CNTNAP4: variants seen among roughly 807,000 people sequenced by gnomAD.
CNTNAP4 encodes the protein contactin associated protein family member 4.
CNTNAP4 carries 98 observed loss-of-function variants against 148.4 expected under a neutral mutation model. That is an observed-to-expected ratio of 0.66 (90% confidence interval 0.56 to 0.78). The LOEUF (loss-of-function observed/expected upper bound fraction) is 0.78. Among genes scored for constraint, CNTNAP4 ranks in the 30% least tolerant of loss-of-function variants. CNTNAP4 has a pLI of 0.00. For missense variants in CNTNAP4, 1,935 were observed against 1,565.6 expected (o/e 1.24, Z -3.98); for synonymous variants, 730 against 565.1 (o/e 1.29, Z -4.14).
chr16:76,544,953 T>G (rs571820283), intron 21 of CNTNAP4, among the ~76,000 whole-genome samples: 1 of 152,300 alleles, frequency 6.6e-6, no homozygotes, highest in South Asian at 2.1e-4. Flanking sequence ...AAATCTCCAA[T>G]GTATCAGAAA....
At chr16:76,555,093 A>C (rs73621299) in intron 23 of CNTNAP4, among the ~76,000 whole-genome samples, 7,285 of 152,148 alleles carry the variant, frequency 0.048, 321 homozygotes, top group East Asian at 0.21. Context: ...AGAAAGGTGA[A>C]CCACTTAACA....
chr16:76,432,116 G>C (rs1445068298), intron 4 of CNTNAP4, among the ~76,000 whole-genome samples: 2 of 152,120 alleles, frequency 1.3e-5, no homozygotes, highest in Non-Finnish European at 2.9e-5. Context: ...TTGAAAAATG[G>C]GAATGCATTT....
chr16:76,330,590 C>T (rs954045570), intron 2 of CNTNAP4, among the ~76,000 whole-genome samples: 1 of 152,264 alleles, frequency 6.6e-6, no homozygotes, highest in Admixed American at 6.5e-5. Context: ...AATTCACAAA[C>T]ATTTTACAAA....
intron 21 of CNTNAP4, among the ~76,000 whole-genome samples, chr16:76,547,170 A>G (rs540562025): frequency 5.6e-4 from 85 of 152,322 alleles, no homozygotes; most frequent in African/African-American, 2.0e-3. Context: ...ATTATAGAAA[A>G]AGAAATCTCT....
intron 3 of CNTNAP4, among the ~76,000 whole-genome samples, chr16:76,410,480 G>C (rs1382876793): frequency 6.6e-6 from 1 of 151,602 alleles, no homozygotes; most frequent in South Asian, 2.1e-4. Context: ...GTTACATCTG[G>C]CAGTGTTTCA....
chr16:76,548,575 C>G (rs2084836991), intron 21 of CNTNAP4, among the ~76,000 whole-genome samples: 2 of 151,854 alleles, frequency 1.3e-5, no homozygotes, highest in Non-Finnish European at 2.9e-5. Context: ...TCTTGCAGGC[C>G]TTTTGTTAAA....
intron 1 of CNTNAP4, among the ~76,000 whole-genome samples, chr16:76,309,238 T>A (rs1048563058): frequency 6.6e-6 from 1 of 152,032 alleles, no homozygotes; most frequent in Non-Finnish European, 1.5e-5. Context: ...GAGGATGAGA[T>A]GGCAGAGCTG....
At position 76,498,547 on chromosome 16, in the gene CNTNAP4, T is replaced by G. The variant is rs1167802498; in HGVS notation, c.2238-20T>G. ...CTATTAAAAGTTCTTAAGAATTTTG[T>G]TGTTGCTATTGTTTTTTAGGACCAA... On this transcript the variant is annotated intron_variant, in intron 14 of 23. Transcript: ENST00000611870. 2 of 1,598,246 alleles carry G rather than the reference T, an allele frequency of 1.3e-6. No individual in the cohort carries two copies. The highest frequency in any genetic ancestry group is 2.3e-5 in the South Asian group (2 of 87,110).
chr16:76,350,430 T>C (rs1258105523), intron 2 of CNTNAP4, among the ~76,000 whole-genome samples: 1 of 152,200 alleles, frequency 6.6e-6, no homozygotes, highest in Non-Finnish European at 1.5e-5. Context: ...ATACAATTTC[T>C]AGTAGCGTGC....
Position 76,360,442 on chromosome 16 carries a change from G to C in CNTNAP4, c.390+4931G>C, listed in dbSNP as rs1269654770. Among the ~76,000 whole-genome samples the C allele has an allele frequency of 5.3e-5, 8 of 152,326 alleles. No individual in the cohort carries two copies. In the East Asian group the frequency reaches 1.5e-3, roughly 29 times the overall value. ...CAGAAGTGCAAAAGAGATATAAGCT[G>C]TAGGGTAGGTGACTCTCCTCCTTGT... On this transcript the variant is annotated intron_variant, in intron 3 of 23. Transcript: ENST00000611870.
chr16:76,352,964 T>C (rs1213992982), intron 2 of CNTNAP4, among the ~76,000 whole-genome samples: 1 of 152,186 alleles, frequency 6.6e-6, no homozygotes, highest in African/African-American at 2.4e-5. Flanking sequence ...CAAGGGACCA[T>C]GTCTATGCAA....
At chr16:76,523,303 C>A (rs1352670903) in intron 17 of CNTNAP4, among the ~76,000 whole-genome samples, 1 of 136,194 alleles carries the variant, frequency 7.3e-6, no homozygotes, top group East Asian at 2.3e-4. Flanking sequence ...GAAAACAAAA[C>A]AGATACCCAG....
rs754057442 is a variant in CNTNAP4 at position 76,479,401 on chromosome 16, T to C, written c.1763-18T>C. The stretch of plus-strand genomic sequence containing the variant: ...TCATTTCATGCTATTCCATTAATGA[T>C]GATTTTTTTTCTTAAAGCTATCTAT... On this transcript the variant is annotated intron_variant, in intron 11 of 23. Transcript: ENST00000611870. 1.3e-6 allele frequency: 2 copies of C among 1,563,102 alleles called. No homozygotes were observed. The highest frequency in any genetic ancestry group is 1.9e-5 in the Admixed American group (1 of 51,744).
intron 7 of CNTNAP4, among the ~76,000 whole-genome samples, chr16:76,450,395 C>T (rs1289129970): frequency 6.6e-6 from 1 of 152,200 alleles, no homozygotes; most frequent in African/African-American, 2.4e-5. Flanking sequence ...GGTGATCCGC[C>T]TGCCTCAGCC....
chr16:76,460,773 A>AAAAAAAAAAAAAT, intron 8 of CNTNAP4, among the ~76,000 whole-genome samples: 6 of 57,316 alleles, frequency 1.0e-4, no homozygotes, highest in Non-Finnish European at 1.6e-4. Context: ...AAAAAAAAAA[A>AAAAAAAAAAAAAT]ATATATATAT....
At chr16:76,347,817 G>C (rs1337703026) in intron 2 of CNTNAP4, among the ~76,000 whole-genome samples, 2 of 152,112 alleles carry the variant, frequency 1.3e-5, no homozygotes, top group African/African-American at 4.8e-5. Context: ...AGAAGAAAAA[G>C]AGAGAAGGTA....
chr16:76,511,284 G>T (rs61310899), intron 15 of CNTNAP4, among the ~76,000 whole-genome samples: 4,919 of 152,132 alleles, frequency 0.032, 177 homozygotes, highest in East Asian at 0.19. Flanking sequence ...TAAGTTTCTC[G>T]TTCCAAAAAA....
rs1456192211 is a variant in CNTNAP4, at chr16:76,317,308, A to C, written c.196+785A>C. 1.9e-3 allele frequency among the ~76,000 whole-genome samples: 115 copies of C among 59,020 alleles called. 1 individual carries two copies. The highest frequency in any genetic ancestry group is 7.4e-3 in the Admixed American group (31 of 4,182). 38.7% of individuals were successfully genotyped at this position (59,020 alleles called of 152,430 possible). ...AAAAAAAAACCCAAAAAACCCCCCA[A>C]AAAAAAAAACTCAGTTCATCTTAGT... On this transcript the variant is annotated intron_variant, in intron 2 of 23. Transcript: ENST00000611870.
intron 1 of CNTNAP4, among the ~76,000 whole-genome samples, chr16:76,302,149 C>G (rs758504830): frequency 1.3e-5 from 2 of 151,846 alleles, no homozygotes; most frequent in East Asian, 1.9e-4. Context: ...GCTTCAGTGG[C>G]GAGGCCTTCA....
Sources: gnomAD v4.1 joint callset for allele counts (sites outside exome capture counted in the v4.1 genomes callset) on GRCh38, gnomAD v4.1.1 for gene constraint, MANE v1.5 for transcripts, NCBI Gene and HGNC (gene_info 2026-07-23, HGNC 2026-07-21) for gene names.